The following DHRSX variants were observed in gnomAD, a reference collection of about 807,000 sequenced individuals.
DHRSX encodes polyprenol dehydrogenase.
DHRSX carries 31 observed loss-of-function variants against 34.0 expected under a neutral mutation model. The ratio of observed to expected loss-of-function variants is 0.91; its 90% CI spans 0.69 to 1.23. The LOEUF (loss-of-function observed/expected upper bound fraction) is 1.23. Ranked by LOEUF, DHRSX falls within the 50% of genes most tolerant of loss-of-function variation. DHRSX has a pLI of 0.00. For missense variants in DHRSX, 414 were observed against 428.1 expected, an observed-to-expected ratio of 0.97 and a Z score of 0.29; for synonymous variants, 201 against 183.8, an observed-to-expected ratio of 1.09 and a Z score of -0.76.
intron 1 of DHRSX, among the ~76,000 whole-genome samples, chrX:2,460,111 A>T (rs1437962265): frequency 2.0e-5 from 3 of 151,964 alleles, no homozygotes; most frequent in African/African-American, 7.3e-5. Context: ...TCCTTCTCAA[A>T]CAAACAAACA....
intron 1 of DHRSX, among the ~76,000 whole-genome samples, chrX:2,496,788 A>T (rs186991168): frequency 0.022 from 3,339 of 151,148 alleles, 50 homozygotes; most frequent in Non-Finnish European, 0.034. Flanking sequence ...ATATTTATAT[A>T]AAAATATCAA....
intron 3 of DHRSX, among the ~76,000 whole-genome samples, chrX:2,407,291 G>A (rs1435882171): frequency 6.6e-6 from 1 of 152,200 alleles, no homozygotes; most frequent in Non-Finnish European, 1.5e-5. Context: ...GTGGGCTAGG[G>A]GATGGGGCCA....
chrX:2,485,642 A>AGGG (rs1475366772), intron 1 of DHRSX, among the ~76,000 whole-genome samples: 8 of 69,768 alleles, frequency 1.1e-4, no homozygotes, highest in African/African-American at 3.5e-4. Context: ...GAGGAGAGGG[A>AGGG]AGGAGGGAGG....
Position 2,408,706 on chromosome X carries a change from A to AC in DHRSX, c.286+38_286+39insG, listed in dbSNP as rs750074090. The AC allele has an allele frequency of 4.8e-5, 75 of 1,576,538 alleles. 2 individuals are homozygous for AC. The South Asian group carries it at 8.3e-4, about 17-fold the overall frequency. On this transcript the variant is annotated intron_variant, in intron 3 of 6. Coordinates refer to ENST00000334651, the MANE Select transcript of DHRSX (RefSeq NM_145177.3). ...CGCAAACGACCTGTCCCAAGGAAAA[A>AC]AAAAAACAAAAAAAAGCCATTGGAG... is the stretch of plus-strand genomic sequence containing the variant.
rs187911094 is a variant in DHRSX at position 2,286,520 on chromosome X, G to A, written c.388+4982C>T. On this transcript the variant is annotated intron_variant, in intron 4 of 6. Coordinates refer to ENST00000334651, the MANE Select transcript of DHRSX (RefSeq NM_145177.3). ...CCCTTTCCAAGCCCATGGGCTTCAC[G>A]AAGCTCCATGGTTCTGTTGCATTTC... 4.6e-3 allele frequency among the ~76,000 whole-genome samples: 694 copies of A among 152,228 alleles called. 6 individuals carry two copies. The highest frequency in any genetic ancestry group is 0.016 in the African/African-American group (669 of 41,530).
chrX:2,276,877 GGGAGGAAATAGGGGAA>G (rs1569483107), intron 4 of DHRSX, among the ~76,000 whole-genome samples: 3 of 13,630 alleles, frequency 2.2e-4, no homozygotes, highest in African/African-American at 1.3e-3. Context: ...AGAGAAGGAG[GGGAGGAAATAGGGGAA>G]AGAGAGAAAG....
At chrX:2,238,584 TTC>T (rs1177812494) in intron 6 of DHRSX, among the ~76,000 whole-genome samples, 1 of 149,020 alleles carries the variant, frequency 6.7e-6, no homozygotes, top group Non-Finnish European at 1.5e-5. Flanking sequence ...TTTTTCTTCT[TTC>T]TTTTTTTTTT....
intron 3 of DHRSX, among the ~76,000 whole-genome samples, chrX:2,322,681 T>TAA (rs112068830): frequency 4.1e-4 from 61 of 149,844 alleles, no homozygotes; most frequent in Middle Eastern, 3.5e-3. Flanking sequence ...CACGCCCGGC[T>TAA]AAAAAAAAAC....
intron 2 of DHRSX, among the ~76,000 whole-genome samples, chrX:2,414,296 C>G (rs1386620162): frequency 6.6e-6 from 1 of 151,868 alleles, no homozygotes; most frequent in East Asian, 1.9e-4. Context: ...TCATTATGAC[C>G]TAATACAACT....
At chrX:2,301,195 C>T (rs752192090) in intron 3 of DHRSX, among the ~76,000 whole-genome samples, 1 of 152,308 alleles carries the variant, frequency 6.6e-6, no homozygotes, top group South Asian at 2.1e-4. Flanking sequence ...GGGCGATCAC[C>T]TGAGTTCAGG....
chrX:2,414,927 C>G (rs928725915), intron 2 of DHRSX, among the ~76,000 whole-genome samples: 4 of 151,834 alleles, frequency 2.6e-5, no homozygotes, highest in African/African-American at 9.7e-5. Context: ...CCTAACCAAA[C>G]TGGACTTCAT....
intron 1 of DHRSX, chrX:2,488,221 G>A (rs180935834): frequency 0.015 from 2,577 of 174,932 alleles, 70 homozygotes; most frequent in African/African-American, 0.056. Context: ...CGCTCTTGTC[G>A]CCCAGGCTGG....
At chrX:2,243,786 C>CTGTTTTTTTTTT (rs2016202888) in intron 5 of DHRSX, among the ~76,000 whole-genome samples, 4 of 25,114 alleles carry the variant, frequency 1.6e-4, no homozygotes, top group South Asian at 4.0e-3. Flanking sequence ...ACTATGCTCC[C>CTGTTTTTTTTTT]TGTTTTTTTT....
intron 1 of DHRSX, among the ~76,000 whole-genome samples, chrX:2,465,269 C>T (rs2044475171): frequency 6.6e-6 from 1 of 152,172 alleles, no homozygotes; most frequent in African/African-American, 2.4e-5. Flanking sequence ...CCATGACTAG[C>T]CACGAACCCA....
At chrX:2,296,245 GA>G (rs1303759633) in intron 3 of DHRSX, among the ~76,000 whole-genome samples, 1 of 152,114 alleles carries the variant, frequency 6.6e-6, no homozygotes, top group Non-Finnish European at 1.5e-5. Context: ...GGCACACCCA[GA>G]AAAAAGTCAG....
At chrX:2,303,891 G>A (rs867267009) in intron 3 of DHRSX, among the ~76,000 whole-genome samples, 111 of 132,540 alleles carry the variant, frequency 8.4e-4, no homozygotes, top group African/African-American at 2.4e-3. Context: ...ATGGATGGAT[G>A]GATGGATAAA....
chrX:2,430,738 C>T (rs1463217819), intron 1 of DHRSX, among the ~76,000 whole-genome samples: 19 of 152,092 alleles, frequency 1.2e-4, no homozygotes, highest in East Asian at 1.9e-4. Flanking sequence ...ATGGGTCAGG[C>T]GCAGTGGCTC....
At chrX:2,427,636 G>A (rs2043866373) in intron 1 of DHRSX, among the ~76,000 whole-genome samples, 1 of 152,118 alleles carries the variant, frequency 6.6e-6, no homozygotes, top group Admixed American at 6.5e-5. Context: ...ACATGATGAG[G>A]CAAGAATGAC....
At chrX:2,432,238 AG>A (rs201092855) in intron 1 of DHRSX, among the ~76,000 whole-genome samples, 2,452 of 152,124 alleles carry the variant, frequency 0.016, 49 homozygotes, top group African/African-American at 0.039. Context: ...TAGAAGTTGG[AG>A]GGGGAAAAAA....
Sources: allele counts gnomAD v4.1 joint callset (sites outside exome capture counted in the v4.1 genomes callset), GRCh38; gene constraint gnomAD v4.1.1; transcripts MANE v1.5; gene names NCBI Gene and HGNC (gene_info 2026-07-23, HGNC 2026-07-21).